Variants in PIGN observed in about 807,000 individuals in gnomAD.
PIGN encodes GPI ethanolamine phosphate transferase 1.
Under a neutral mutation model 125.4 loss-of-function variants are expected in PIGN, and 117 were observed. That is an observed-to-expected ratio of 0.93 (90% CI 0.80 to 1.09). PIGN has a LOEUF of 1.09. Among genes scored for constraint, PIGN ranks in the 50% least tolerant of loss-of-function variants. The pLI, the probability that PIGN is intolerant of heterozygous loss-of-function variation, is 0.00. For synonymous variants in PIGN, 392 were observed against 377.8 expected (o/e 1.04, Z -0.44); for missense variants, 1,075 against 1,094.9 (o/e 0.98, Z 0.26).
intron 12 of PIGN, 93 bp downstream of exon 12, chr18:62,140,327 C>T (rs555592284): frequency 1.6e-5 from 9 of 575,542 alleles, no homozygotes; most frequent in African/African-American, 1.2e-4. Flanking sequence ...AAAAAAAACC[C>T]AGATTATTCA....
chr18:62,034,527 G>A (rs1021247418), intron 23 of PIGN, among the ~76,000 whole-genome samples: 5 of 152,210 alleles, frequency 3.3e-5, no homozygotes, highest in African/African-American at 1.2e-4. Context: ...AAAACCACAG[G>A]GGTGGAGCTG....
At chr18:62,125,169 TGTGTATATAAATATACAC>T (rs1568203176) in intron 14 of PIGN, among the ~76,000 whole-genome samples, 3 of 107,466 alleles carry the variant, frequency 2.8e-5, no homozygotes, top group Non-Finnish European at 6.9e-5. Context: ...TTTGTACATA[TGTGTATATAAATATACAC>T]GTTTGTACAT....
At position 62,157,780 on chromosome 18, in the gene PIGN, C is replaced by T. The variant is rs1244229285; in HGVS notation, c.250G>A (p.Gly84Ser). The T allele has an allele frequency of 8.7e-6, 14 of 1,611,988 alleles. No individual in the cohort carries two copies. Among genetic ancestry groups the T allele is most frequent in the South Asian group, 1.1e-5 (1 of 90,616 alleles). The change falls in exon 5 of 31, where the codon GGC becomes AGC. Residue 84 changes from glycine (G) to serine (S), a missense_variant. Physicochemically the swap from Gly to Ser is moderately conservative, Grantham distance 56 (BLOSUM62 0). This residue lies in a region of PIGN where 152 missense variants were observed against 162.9 expected (regional missense o/e 0.93). Coordinates refer to ENST00000640252, the MANE Select transcript of PIGN (RefSeq NM_176787.5). ...GTTGGCACACGTGTATGAGATATGC[C>T]CCAGCTGCCTTCATGCATTATGATA... ...RNIIMHEGSW[G>S]ISHTRVPTES...
intron 23 of PIGN, among the ~76,000 whole-genome samples, chr18:62,029,568 G>T (rs1230296442): frequency 6.6e-6 from 1 of 152,204 alleles, no homozygotes; most frequent in African/African-American, 2.4e-5. Flanking sequence ...ATGAGGAAGG[G>T]AAGAGGGTAT....
At chr18:62,167,914 C>G (rs1319289155) in intron 1 of PIGN, among the ~76,000 whole-genome samples, 1 of 151,998 alleles carries the variant, frequency 6.6e-6, no homozygotes, top group Non-Finnish European at 1.5e-5. Context: ...TTAAGTTCAG[C>G]CAGGTGCGGT....
chr18:62,183,695 T>C (rs1318697375), intron 1 of PIGN, among the ~76,000 whole-genome samples: 1 of 152,226 alleles, frequency 6.6e-6, no homozygotes, highest in Non-Finnish European at 1.5e-5. Flanking sequence ...CAGAGTCTTA[T>C]GCACTTAGTA....
intron 23 of PIGN, among the ~76,000 whole-genome samples, chr18:62,019,833 C>A (rs1234050276): frequency 6.6e-6 from 1 of 152,234 alleles, no homozygotes; most frequent in African/African-American, 2.4e-5. Flanking sequence ...AAAGGAGGCA[C>A]AAGACTGTGG....
At chr18:62,164,928 G>A (rs1193612720) in intron 1 of PIGN, among the ~76,000 whole-genome samples, 2 of 152,076 alleles carry the variant, frequency 1.3e-5, no homozygotes, top group Admixed American at 6.6e-5. Flanking sequence ...GTTGATAATC[G>A]AGTTATACTT....
At chr18:62,049,294 G>A (rs1219230378) in intron 30 of PIGN, among the ~76,000 whole-genome samples, 7 of 151,870 alleles carry the variant, frequency 4.6e-5, no homozygotes, top group African/African-American at 1.5e-4. Context: ...TTCCACAATG[G>A]TTGAACTAGT....
rs1198108292 is a variant in PIGN, at chr18:62,154,555, T to C, written c.539A>G (p.Asp180Gly). 6 of 1,508,966 alleles carry C rather than the reference T, an allele frequency of 4.0e-6. No homozygotes were observed. Among genetic ancestry groups the C allele is most frequent in the Non-Finnish European group, 5.5e-6 (6 of 1,085,908 alleles). The allele number at this position is 1,508,966 out of a possible 1,614,324, so 93.5% of individuals were successfully genotyped here. A position where few individuals can be genotyped will look rare whatever the true frequency, so the allele number is the denominator to read the frequency against. The change falls in exon 7 of 31, where the codon GAT (aspartate) becomes GGT (glycine). Residue 180 changes from aspartate to glycine, a missense_variant. By Grantham distance (94) the Asp-to-Gly change is moderately conservative. Transcript: ENST00000640252. The stretch of plus-strand genomic sequence containing the variant: ...CTCAATAGCACAAACCTTAACATTA[T>C]CAAAAACCCACGTATCCAGTTTTGT... ...DATKLDTWVF[D>G]NVKDFFHHAR...
intron 30 of PIGN, among the ~76,000 whole-genome samples, chr18:62,051,054 C>G (rs1169996214): frequency 6.7e-6 from 1 of 149,606 alleles, no homozygotes; most frequent in African/African-American, 2.5e-5. Context: ...ATGAAGCCCA[C>G]TTGATCATGG....
chr18:62,070,148 G>C (rs929983373), intron 30 of PIGN: 2 of 355,930 alleles, frequency 5.6e-6, no homozygotes, highest in East Asian at 8.3e-5. Context: ...GACTACAAGA[G>C]AAACGGGGGG....
chr18:62,034,896 G>A (rs2030238289), intron 23 of PIGN, among the ~76,000 whole-genome samples: 1 of 152,148 alleles, frequency 6.6e-6, no homozygotes, highest in Non-Finnish European at 1.5e-5. Context: ...TGAAATGTGA[G>A]GACATAAGAT....
chr18:62,115,733 A>T (rs967859756), intron 14 of PIGN, among the ~76,000 whole-genome samples: 20 of 152,092 alleles, frequency 1.3e-4, no homozygotes, highest in Non-Finnish European at 2.4e-4. Context: ...CATAATCCAA[A>T]ATTTAAAATA....
At chr18:62,183,450 C>A (rs1164493045) in intron 1 of PIGN, among the ~76,000 whole-genome samples, 1 of 152,160 alleles carries the variant, frequency 6.6e-6, no homozygotes, top group African/African-American at 2.4e-5. Context: ...GCTATAAGAC[C>A]TTTGTAGGCT....
intron 1 of PIGN, among the ~76,000 whole-genome samples, chr18:62,182,251 C>T (rs943258711): frequency 6.6e-6 from 1 of 152,130 alleles, no homozygotes; most frequent in Admixed American, 6.5e-5. Context: ...TATGCAAAAG[C>T]CTCAACAAAT....
chr18:62,147,835 T>C (rs1419738332), intron 8 of PIGN, among the ~76,000 whole-genome samples: 1 of 152,140 alleles, frequency 6.6e-6, no homozygotes, highest in African/African-American at 2.4e-5. Flanking sequence ...TTAAAGGGAA[T>C]ACACAAGGAA....
chr18:62,072,035 A>G (rs1324103558), intron 30 of PIGN, among the ~76,000 whole-genome samples: 1 of 149,178 alleles, frequency 6.7e-6, no homozygotes, highest in Non-Finnish European at 1.5e-5. Flanking sequence ...CAAGATGTGG[A>G]AATAAAAATC....
intron 23 of PIGN, among the ~76,000 whole-genome samples, chr18:62,018,326 C>T (rs2030007737): frequency 6.6e-6 from 1 of 152,104 alleles, no homozygotes. Flanking sequence ...TTCACCAGCA[C>T]TGAGGCGAGG....
Sources: allele counts gnomAD v4.1 joint callset (sites outside exome capture counted in the v4.1 genomes callset), GRCh38; gene constraint gnomAD v4.1.1; regional missense constraint gnomAD v4.1.1; transcripts MANE v1.5; gene names NCBI Gene and HGNC (gene_info 2026-07-23, HGNC 2026-07-21).